TOGARAM1: variants seen among roughly 807,000 people sequenced by gnomAD.
The protein encoded by TOGARAM1 is TOG array regulator of axonemal microtubules 1.
A neutral mutation model predicts 166.6 loss-of-function variants in TOGARAM1; 100 were observed. The ratio of observed to expected loss-of-function variants is 0.60; its 90% CI spans 0.51 to 0.71. The LOEUF is 0.71. TOGARAM1 is among the 30% of genes least tolerant of loss of function. The pLI, the probability that TOGARAM1 is intolerant of heterozygous loss-of-function variation, is 0.00. For missense variants in TOGARAM1, 2,029 were observed against 2,102.7 expected (o/e 0.96, Z 0.69); for synonymous variants, 758 against 763.8 (o/e 0.99, Z 0.13).
chr14:45,071,964 T>G lies in TOGARAM1; in HGVS notation c.5056+166T>G, dbSNP rs559577197. Among the ~76,000 whole-genome samples the G allele has an allele frequency of 4.6e-5, 7 of 152,328 alleles. No individual in the cohort carries two copies. In the East Asian group the frequency reaches 1.2e-3, roughly 25 times the overall value. ...AGAACCTTTTAAGACTTTTACCCCA[T>G]ACATTATTGTCAAAAGAATTTTATC... is the stretch of plus-strand genomic sequence containing the variant. On this transcript the variant is annotated intron_variant, in intron 19 of 19. Coordinates refer to ENST00000361462, the MANE Select transcript of TOGARAM1 (RefSeq NM_001308120.2).
chr14:45,032,710 C>G (rs1435199480), intron 11 of TOGARAM1, among the ~76,000 whole-genome samples: 1 of 152,098 alleles, frequency 6.6e-6, no homozygotes, highest in Non-Finnish European at 1.5e-5. Flanking sequence ...GAAATACTTA[C>G]CTGCTCCTAT....
At chr14:45,061,209 C>T (rs879728211) in intron 16 of TOGARAM1, among the ~76,000 whole-genome samples, 18 of 152,258 alleles carry the variant, frequency 1.2e-4, no homozygotes, top group South Asian at 4.1e-4. Context: ...TATAATCAAT[C>T]GAATACTGCC....
At chr14:44,968,604 A>T (rs561721901) in intron 1 of TOGARAM1, among the ~76,000 whole-genome samples, 1 of 152,174 alleles carries the variant, frequency 6.6e-6, no homozygotes. Context: ...CAGAGAGTAC[A>T]GATAGTTCCC....
rs1049602932 is a variant in TOGARAM1, at chr14:45,073,644, C to G, written c.*83C>G. On this transcript the variant is annotated 3_prime_UTR_variant, in exon 20 of 20. Transcript: ENST00000361462. ...TTTCTAAAAGTTATGTTATCAGTGC[C>G]TGCACTTCACATCCAGCAAATTAAG... 10 of 1,285,892 alleles carry G rather than the reference C, an allele frequency of 7.8e-6. No individual in the cohort carries two copies. Among genetic ancestry groups the G allele is most frequent in the Non-Finnish European group, 1.1e-5 (10 of 942,956 alleles). The allele number at this position is 1,285,892 out of a possible 1,614,324, so 79.7% of individuals were successfully genotyped here.
At position 45,045,541 on chromosome 14, in the gene TOGARAM1, GTGTATATATATATATATA is replaced by G. The variant is rs1201564726; in HGVS notation, c.4154+673_4154+690del. 2.8e-4 allele frequency among the ~76,000 whole-genome samples: 14 copies of G among 50,374 alleles called. 1 individual carries two copies. The highest frequency in any genetic ancestry group is 6.7e-4 in the South Asian group (1 of 1,492). 33.0% of individuals were successfully genotyped at this position (50,374 alleles called of 152,430 possible). A position where few individuals can be genotyped will look rare whatever the true frequency, so the allele number is the denominator to read the frequency against. On this transcript the variant is annotated intron_variant, in intron 13 of 19. Transcript: ENST00000361462. The stretch of plus-strand genomic sequence containing the variant: ...CAGAGTAGTATTCCATGGTCTGTGT[GTGTATATATATATATATA>G]TATATATATATATATATATATATAT...
chr14:44,988,547 G>A (rs1335514712), intron 1 of TOGARAM1, among the ~76,000 whole-genome samples: 1 of 152,196 alleles, frequency 6.6e-6, no homozygotes, highest in Non-Finnish European at 1.5e-5. Flanking sequence ...ATGTTGATCA[G>A]TTAAAGAGAC....
chr14:44,964,163 T>A lies in TOGARAM1; in HGVS notation c.1742T>A (p.Leu581His). 1 of 1,614,214 alleles carries A rather than the reference T, an allele frequency of 6.2e-7. No individual in the cohort carries two copies. The highest frequency in any genetic ancestry group is 8.5e-7 in the Non-Finnish European group (1 of 1,180,040). Residue 581 changes from leucine to histidine, a missense_variant, in exon 1 of 20, where the codon CTC (leucine) becomes CAC (histidine). Leu to His is a moderately conservative substitution (Grantham distance 99, BLOSUM62 -3). Coordinates refer to ENST00000361462, the MANE Select transcript of TOGARAM1 (RefSeq NM_001308120.2). ...TTGGCTAGGAAAACCTTACCAAGGCTCACAGAGCAGGGATTTGTGGAATAT... is the reference window on the plus strand; with the variant it reads ...TTGGCTAGGAAAACCTTACCAAGGCACACAGAGCAGGGATTTGTGGAATAT... ...ARLARKTLPR[L>H]TEQGFVEYAV...
chr14:45,071,197 G>A (rs1402336093), intron 18 of TOGARAM1, among the ~76,000 whole-genome samples: 4 of 151,988 alleles, frequency 2.6e-5, no homozygotes, highest in Non-Finnish European at 5.9e-5. Flanking sequence ...TGGGATTACA[G>A]GCATGAGCCA....
chr14:45,006,220 G>A lies in TOGARAM1; in HGVS notation c.2857G>A (p.Asp953Asn). The change falls in exon 5 of 20, where the codon GAT becomes AAT. Residue 953 changes from aspartate (D) to asparagine (N), a missense_variant. By Grantham distance (23) the Asp-to-Asn change is conservative. Transcript: ENST00000361462. ...WKCEKDSLPI[D>N]LSELNFKDKD... ...GTGTGAAAAAGATAGTCTTCCAATT[G>A]ATCTTTCAGAATTAAATTTCAAGGA... is the stretch of plus-strand genomic sequence containing the variant. The A allele has an allele frequency of 1.2e-6, 2 of 1,612,570 alleles. No homozygotes were observed. The highest frequency in any genetic ancestry group is 1.7e-6 in the Non-Finnish European group (2 of 1,178,862).
At chr14:45,035,004 T>C (rs1177813774) in intron 11 of TOGARAM1, among the ~76,000 whole-genome samples, 1 of 152,082 alleles carries the variant, frequency 6.6e-6, no homozygotes, top group Non-Finnish European at 1.5e-5. Context: ...TAAAGAGATA[T>C]AATATATATA....
intron 1 of TOGARAM1, among the ~76,000 whole-genome samples, chr14:44,967,660 T>G (rs1462059575): frequency 6.6e-6 from 1 of 152,142 alleles, no homozygotes; most frequent in Non-Finnish European, 1.5e-5. Flanking sequence ...AATGGGGAAT[T>G]TTTGCACAGC....
intron 11 of TOGARAM1, among the ~76,000 whole-genome samples, chr14:45,038,669 C>T (rs1192571875): frequency 6.6e-6 from 1 of 152,224 alleles, no homozygotes; most frequent in Non-Finnish European, 1.5e-5. Context: ...CTGGGTTCCC[C>T]ATAGGGCCAC....
In TOGARAM1 at chr14:45,001,575, A is replaced by T. The variant is rs758418784; in HGVS notation, c.2338+2078A>T. Reference sequence around the variant, plus strand: ...TCAATAGCAAAAAAACAAAAATACAATGTGAAAATGGGCAAAAGATCTGAG... The same window carrying T: ...TCAATAGCAAAAAAACAAAAATACATTGTGAAAATGGGCAAAAGATCTGAG... On this transcript the variant is annotated intron_variant, in intron 3 of 19. Transcript: ENST00000361462. 2.0e-5 allele frequency among the ~76,000 whole-genome samples: 3 copies of T among 152,172 alleles called. 1 individual carries two copies. Among genetic ancestry groups the T allele is most frequent in the South Asian group, 4.1e-4 (2 of 4,834 alleles).
At chr14:45,009,243 T>G (rs1879649495) in intron 6 of TOGARAM1, 98 bp downstream of exon 6, 19 of 897,710 alleles carry the variant, frequency 2.1e-5, no homozygotes, top group Non-Finnish European at 3.2e-5. Context: ...CATTTATGTT[T>G]TAGTTTTTAA....
intron 11 of TOGARAM1, among the ~76,000 whole-genome samples, chr14:45,038,112 A>C (rs1043925659): frequency 2.6e-5 from 4 of 152,168 alleles, no homozygotes; most frequent in African/African-American, 9.7e-5. Flanking sequence ...TTTCTATGTT[A>C]CTCGGGCTGG....
intron 16 of TOGARAM1, among the ~76,000 whole-genome samples, chr14:45,059,156 C>T (rs1882784850): frequency 1.3e-5 from 2 of 152,054 alleles, no homozygotes; most frequent in Admixed American, 6.6e-5. Flanking sequence ...CATCTCACCA[C>T]AGCCTCGACC....
chr14:44,999,825 T>G (rs1315856480), intron 3 of TOGARAM1, among the ~76,000 whole-genome samples: 1 of 152,164 alleles, frequency 6.6e-6, no homozygotes, highest in African/African-American at 2.4e-5. Flanking sequence ...CAAATTAGGC[T>G]ATTTAGGATA....
At chr14:45,039,555 G>A (rs1225417849) in intron 11 of TOGARAM1, among the ~76,000 whole-genome samples, 3 of 152,160 alleles carry the variant, frequency 2.0e-5, no homozygotes, top group African/African-American at 7.2e-5. Context: ...TCCCATGCTT[G>A]TTGGTGCCCA....
At chr14:45,069,329 A>G (rs1326057112) in intron 18 of TOGARAM1, among the ~76,000 whole-genome samples, 2 of 152,114 alleles carry the variant, frequency 1.3e-5, no homozygotes, top group Non-Finnish European at 2.9e-5. Flanking sequence ...AGATTGTACC[A>G]CTGCACTGCA....
Sources: gnomAD v4.1 joint callset for allele counts (sites outside exome capture counted in the v4.1 genomes callset) on GRCh38, gnomAD v4.1.1 for gene constraint, MANE v1.5 for transcripts, NCBI Gene and HGNC (gene_info 2026-07-23, HGNC 2026-07-21) for gene names.